HDX: variants seen among roughly 807,000 people sequenced by gnomAD.
HDX encodes the protein highly divergent homeobox.
Under a neutral mutation model 45.2 loss-of-function variants are expected in HDX, and 19 were observed. The observed-to-expected ratio is 0.42, with a 90% CI of 0.29 to 0.62. The LOEUF is 0.62. Ranked by LOEUF, HDX falls within the 20% of genes least tolerant of loss-of-function variation. The pLI, the probability that HDX is intolerant of heterozygous loss-of-function variation, is 0.20. For synonymous variants in HDX, 188 were observed against 172.8 expected (o/e 1.09, Z -0.69); for missense variants, 532 against 493.9 (o/e 1.08, Z -0.73).
chrX:84,413,959 A>T (rs1002800163), intron 5 of HDX, among the ~76,000 whole-genome samples: 2 of 111,816 alleles, frequency 1.8e-5, no homozygotes, highest in African/African-American at 6.5e-5. Flanking sequence ...AAAGTAATAT[A>T]ATAAAAGCTT....
At chrX:84,481,886 G>A (rs765977398) in intron 2 of HDX, among the ~76,000 whole-genome samples, 56 of 111,157 alleles carry the variant, frequency 5.0e-4, no homozygotes, top group African/African-American at 1.7e-3. Flanking sequence ...CACTTTTGGA[G>A]TAATCAGTGT....
chrX:84,442,789 A>G (rs2039789912), intron 4 of HDX, among the ~76,000 whole-genome samples: 1 of 111,220 alleles, frequency 9.0e-6, no homozygotes, highest in African/African-American at 3.2e-5. Context: ...AAATAATTCA[A>G]AATTGACCAT....
chrX:84,437,709 G>A (rs5968322), intron 5 of HDX, among the ~76,000 whole-genome samples: 5,223 of 110,619 alleles, frequency 0.047, 281 homozygotes, highest in African/African-American at 0.16. Context: ...GTGGAAAATG[G>A]AATCTCCATC....
At chrX:84,472,105 T>TA (rs776008488) in intron 3 of HDX, among the ~76,000 whole-genome samples, 68 of 103,610 alleles carry the variant, frequency 6.6e-4, no homozygotes, top group East Asian at 3.3e-3. Context: ...CTGGGCCACT[T>TA]AAAAAAAAAA....
At chrX:84,449,793 T>A (rs779599203) in intron 4 of HDX, among the ~76,000 whole-genome samples, 34 of 111,698 alleles carry the variant, frequency 3.0e-4, no homozygotes, top group African/African-American at 1.0e-3. Flanking sequence ...CAGAAAACTA[T>A]CAATTACATT....
At chrX:84,332,700 C>A (rs1425419113) in intron 9 of HDX, among the ~76,000 whole-genome samples, 1 of 111,359 alleles carries the variant, frequency 9.0e-6, no homozygotes, top group Non-Finnish European at 1.9e-5. Context: ...TATTATATGA[C>A]CATGTAGGAG....
chrX:84,439,629 A>G (rs1391128452), intron 5 of HDX, among the ~76,000 whole-genome samples: 1 of 111,222 alleles, frequency 9.0e-6, no homozygotes, highest in Non-Finnish European at 1.9e-5. Flanking sequence ...CTAGCTAGTT[A>G]TTCCAGTGTC....
At chrX:84,337,644 G>A (rs1369620014) in intron 7 of HDX, among the ~76,000 whole-genome samples, 1 of 111,139 alleles carries the variant, frequency 9.0e-6, no homozygotes, top group East Asian at 2.8e-4. Context: ...AAGAGAAAAT[G>A]GTGGCAAAAA....
chrX:84,380,448 T>C (rs889539893), intron 5 of HDX, among the ~76,000 whole-genome samples: 4 of 110,696 alleles, frequency 3.6e-5, no homozygotes, highest in African/African-American at 6.5e-5. Context: ...TCAATATCTC[T>C]GATAAATATC....
chrX:84,485,152 T>A (rs759973847), intron 2 of HDX, among the ~76,000 whole-genome samples: 2 of 112,015 alleles, frequency 1.8e-5, no homozygotes, highest in African/African-American at 3.2e-5. Context: ...AAGTGTGTTT[T>A]ATGTCCCAGA....
intron 1 of HDX, among the ~76,000 whole-genome samples, chrX:84,495,847 AT>A (rs2040988981): frequency 9.0e-6 from 1 of 111,548 alleles, no homozygotes; most frequent in Non-Finnish European, 1.9e-5. Context: ...TGACATATTT[AT>A]TTTAACCCAA....
Position 84,425,676 on chromosome X carries a change from A to T in HDX, c.1305+14856T>A, listed in dbSNP as rs148419442. Among the ~76,000 whole-genome samples the T allele has an allele frequency of 8.3e-3, 931 of 111,735 alleles. 10 individuals are homozygous for T. Among genetic ancestry groups the T allele is most frequent in the African/African-American group, 0.029 (890 of 30,799 alleles). ...TGCAACAACATGGATGGAACTGGAGAGAGCATGAAGTGAAATAAGCCAGGC... is the reference window on the plus strand; with the variant it reads ...TGCAACAACATGGATGGAACTGGAGTGAGCATGAAGTGAAATAAGCCAGGC... On this transcript the variant is annotated intron_variant, in intron 5 of 10. Transcript: ENST00000373177.
chrX:84,396,551 G>A (rs939715177), intron 5 of HDX, among the ~76,000 whole-genome samples: 12 of 112,117 alleles, frequency 1.1e-4, no homozygotes, highest in African/African-American at 3.6e-4. Context: ...TGTGGCTGTG[G>A]TGGCCAGATG....
At chrX:84,365,156 A>G (rs2037719769) in intron 5 of HDX, among the ~76,000 whole-genome samples, 1 of 110,149 alleles carries the variant, frequency 9.1e-6, no homozygotes, top group South Asian at 3.8e-4. Flanking sequence ...TCTATTTTTA[A>G]TTTTTTGTGT....
intron 5 of HDX, among the ~76,000 whole-genome samples, chrX:84,427,533 T>C (rs1473957916): frequency 1.8e-5 from 2 of 111,246 alleles, no homozygotes; most frequent in Non-Finnish European, 3.8e-5. Context: ...TCAATAGTTT[T>C]ATATAGATCA....
intron 5 of HDX, among the ~76,000 whole-genome samples, chrX:84,418,320 T>C (rs1353596427): frequency 4.5e-5 from 5 of 111,402 alleles, no homozygotes; most frequent in African/African-American, 1.6e-4. Flanking sequence ...GATGAATGGG[T>C]TTCAAAAGAA....
chrX:84,381,479 A>C (rs868698762), intron 5 of HDX, among the ~76,000 whole-genome samples: 14 of 111,164 alleles, frequency 1.3e-4, no homozygotes, highest in African/African-American at 4.2e-4. Flanking sequence ...AAACAGCATG[A>C]TCTGGCATAA....
rs150833967 is a variant in HDX, at chrX:84,424,181, A to G, written c.1305+16351T>C. On this transcript the variant is annotated intron_variant, in intron 5 of 10. Coordinates refer to ENST00000373177, the MANE Select transcript of HDX (RefSeq NM_001177479.2). The stretch of plus-strand genomic sequence containing the variant: ...GCATTTCTAAATGCCGACAGTAAAC[A>G]ATCTGAAAAAGAAATAAAAGTGATC... Among the ~76,000 whole-genome samples the G allele has an allele frequency of 5.6e-3, 626 of 111,638 alleles. 4 individuals carry two copies. The highest frequency in any genetic ancestry group is 6.3e-3 in the Non-Finnish European group (335 of 53,025).
intron 5 of HDX, among the ~76,000 whole-genome samples, chrX:84,395,819 A>G (rs1359256961): frequency 9.0e-6 from 1 of 111,640 alleles, no homozygotes; most frequent in East Asian, 2.8e-4. Flanking sequence ...TCTGTCTTCA[A>G]GTTCTGAAAT....
Sources: gnomAD v4.1 joint callset for allele counts (sites outside exome capture counted in the v4.1 genomes callset) on GRCh38, gnomAD v4.1.1 for gene constraint, MANE v1.5 for transcripts, NCBI Gene and HGNC (gene_info 2026-07-23, HGNC 2026-07-21) for gene names.